QTMAN: variants seen among roughly 807,000 people sequenced by gnomAD.
The protein encoded by QTMAN is queuosine-tRNA mannosyltransferase, also known as tRNA-queuosine alpha-mannosyltransferase.
chr2:144,029,837 T>G, the QTMAN span, among the ~76,000 whole-genome samples: 1 of 151,880 alleles, frequency 6.6e-6, no homozygotes, highest in South Asian at 2.1e-4. Context: ...ATTATCTTCC[T>G]AATGTGTTAT....
chr2:144,175,288 G>A, the QTMAN span, among the ~76,000 whole-genome samples: 1 of 152,086 alleles, frequency 6.6e-6, no homozygotes, highest in Non-Finnish European at 1.5e-5. Context: ...ACTACCTCAA[G>A]CAATAGAGAA....
chr2:144,281,217 A>C, the QTMAN span, among the ~76,000 whole-genome samples: 1 of 151,880 alleles, frequency 6.6e-6, no homozygotes, highest in African/African-American at 2.4e-5. Context: ...CTTTCAGAGA[A>C]GCGAAGAATT....
At chr2:144,141,805 C>A in the QTMAN span, 1 of 1,083,282 alleles carries the variant, frequency 9.2e-7, no homozygotes, top group African/African-American at 1.6e-5. Flanking sequence ...TTAAAACTGG[C>A]ATGAAGAACA....
the QTMAN span, among the ~76,000 whole-genome samples, chr2:144,318,908 G>C: frequency 6.6e-6 from 1 of 152,136 alleles, no homozygotes; most frequent in African/African-American, 2.4e-5. Flanking sequence ...TCCCAGCACT[G>C]CTTTCAAATA....
the QTMAN span, among the ~76,000 whole-genome samples, chr2:143,994,052 A>T: frequency 4.6e-5 from 7 of 152,194 alleles, no homozygotes; most frequent in African/African-American, 1.7e-4. Flanking sequence ...TCCCCAACAT[A>T]GAGCCATTCA....
At chr2:144,197,081 A>G in the QTMAN span, among the ~76,000 whole-genome samples, 14 of 152,162 alleles carry the variant, frequency 9.2e-5, no homozygotes, top group African/African-American at 3.1e-4. Context: ...CCCCCATGCT[A>G]TATTTGCATA....
the QTMAN span, among the ~76,000 whole-genome samples, chr2:144,220,243 G>C: frequency 2.6e-5 from 4 of 152,264 alleles, no homozygotes; most frequent in Admixed American, 2.6e-4. Flanking sequence ...AAAAGAGTCA[G>C]TCTGTTAATA....
At chr2:144,222,787 G>A in the QTMAN span, among the ~76,000 whole-genome samples, 1 of 152,228 alleles carries the variant, frequency 6.6e-6, no homozygotes, top group East Asian at 1.9e-4. Flanking sequence ...CAGCCTAGGC[G>A]ACAGAGCGAG....
chr2:144,092,885 G>GTA, the QTMAN span, among the ~76,000 whole-genome samples: 2 of 151,426 alleles, frequency 1.3e-5, no homozygotes, highest in Admixed American at 1.3e-4. Flanking sequence ...GTGTGTGTGT[G>GTA]TGTGTGTGTG....
At chr2:144,211,995 C>G in the QTMAN span, among the ~76,000 whole-genome samples, 1 of 152,172 alleles carries the variant, frequency 6.6e-6, no homozygotes, top group Non-Finnish European at 1.5e-5. Context: ...AAAGTGCTAA[C>G]TCCAAACCAA....
the QTMAN span, among the ~76,000 whole-genome samples, chr2:143,970,179 C>T: frequency 1.6e-4 from 25 of 152,130 alleles, no homozygotes; most frequent in South Asian, 4.2e-4. Flanking sequence ...GTTCAATAAA[C>T]AAGGCATGGA....
At chr2:144,145,421 C>A in the QTMAN span, 1 of 515,886 alleles carries the variant, frequency 1.9e-6, no homozygotes. Flanking sequence ...CTTACATATA[C>A]TGCAGAAGGA....
the QTMAN span, among the ~76,000 whole-genome samples, chr2:144,215,339 A>G: frequency 6.6e-6 from 1 of 151,778 alleles, no homozygotes; most frequent in Admixed American, 6.6e-5. Context: ...TTAGTAACTT[A>G]TTCCAGGACT....
chr2:144,142,371 C>G, the QTMAN span, among the ~76,000 whole-genome samples: 1 of 151,986 alleles, frequency 6.6e-6, no homozygotes, highest in Admixed American at 6.6e-5. Context: ...ATATTATCAA[C>G]AACACTACGT....
At chr2:144,315,804 G>T in the QTMAN span, among the ~76,000 whole-genome samples, 2 of 152,132 alleles carry the variant, frequency 1.3e-5, no homozygotes, top group Non-Finnish European at 2.9e-5. Context: ...TTGAGTTCAT[G>T]ATTTCATTCA....
chr2:144,154,774 G>A, the QTMAN span, among the ~76,000 whole-genome samples: 1 of 152,118 alleles, frequency 6.6e-6, no homozygotes, highest in Non-Finnish European at 1.5e-5. Flanking sequence ...AATTAGATCT[G>A]CTGTTCTTTT....
chr2:144,275,469 G>C, the QTMAN span, among the ~76,000 whole-genome samples: 1 of 151,614 alleles, frequency 6.6e-6, no homozygotes, highest in African/African-American at 2.4e-5. Context: ...TGTCTACTTA[G>C]ACTTCAAAAT....
At chr2:144,084,255 G>T in the QTMAN span, among the ~76,000 whole-genome samples, 1 of 152,174 alleles carries the variant, frequency 6.6e-6, no homozygotes, top group Non-Finnish European at 1.5e-5. Context: ...CCAGAAGCTA[G>T]CTCTCTTAAG....
the QTMAN span, among the ~76,000 whole-genome samples, chr2:144,081,555 A>C: frequency 1.4e-4 from 22 of 152,266 alleles, no homozygotes; most frequent in African/African-American, 5.1e-4. Flanking sequence ...CAGGGCTTGT[A>C]CACTATGGAA....
Sources: gnomAD v4.1 joint callset for allele counts (sites outside exome capture counted in the v4.1 genomes callset) on GRCh38, gnomAD v4.1.1 for gene constraint, MANE v1.5 for transcripts, NCBI Gene and HGNC (gene_info 2026-07-23, HGNC 2026-07-21) for gene names.